The following NME7 variants were observed in gnomAD, a reference collection of about 807,000 sequenced individuals.
NME7 encodes nucleoside diphosphate kinase 7.
Under a neutral mutation model 49.1 loss-of-function variants are expected in NME7, and 41 were observed. That is an observed-to-expected ratio of 0.83 (90% CI 0.65 to 1.08). The LOEUF is 1.08. NME7 is among the 50% of genes least tolerant of loss of function. The pLI, the probability that NME7 is intolerant of heterozygous loss-of-function variation, is 0.00. For missense variants in NME7, 423 were observed against 463.4 expected, an observed-to-expected ratio of 0.91 and a Z score of 0.80; for synonymous variants, 139 against 150.6, an observed-to-expected ratio of 0.92 and a Z score of 0.56.
intron 3 of NME7, among the ~76,000 whole-genome samples, chr1:169,321,097 C>G (rs1651836952): frequency 6.6e-6 from 1 of 152,128 alleles, no homozygotes; most frequent in Non-Finnish European, 1.5e-5. Flanking sequence ...TTAGGTCAGA[C>G]TGTTAACCCT....
chr1:169,258,234 T>C (rs1327800811), intron 7 of NME7, among the ~76,000 whole-genome samples: 3 of 126,622 alleles, frequency 2.4e-5, no homozygotes, highest in African/African-American at 7.9e-5. Context: ...CTGCTCTGCT[T>C]GGGAGGCTGA....
chr1:169,331,819 A>AG (rs1477105638), intron 1 of NME7, among the ~76,000 whole-genome samples: 2 of 151,434 alleles, frequency 1.3e-5, no homozygotes, highest in Non-Finnish European at 2.9e-5. Context: ...AAAAGACCAA[A>AG]AAAAAAATGG....
intron 7 of NME7, among the ~76,000 whole-genome samples, chr1:169,240,259 C>A (rs1648024663): frequency 6.6e-6 from 1 of 151,402 alleles, no homozygotes; most frequent in Non-Finnish European, 1.5e-5. Context: ...TGATCTAAGC[C>A]AAAAGGTCAG....
intron 7 of NME7, among the ~76,000 whole-genome samples, chr1:169,240,608 C>T (rs1025899245): frequency 4.0e-5 from 6 of 151,742 alleles, no homozygotes; most frequent in Non-Finnish European, 7.4e-5. Flanking sequence ...GTATGTACTT[C>T]GAATGAAACT....
chr1:169,313,058 T>C (rs1049709148), intron 3 of NME7, among the ~76,000 whole-genome samples: 1 of 152,072 alleles, frequency 6.6e-6, no homozygotes, highest in Non-Finnish European at 1.5e-5. Context: ...GGTGGAAAAT[T>C]CAGTGATCAA....
At chr1:169,296,522 A>G (rs1265705027) in intron 6 of NME7, among the ~76,000 whole-genome samples, 10 of 147,602 alleles carry the variant, frequency 6.8e-5, no homozygotes, top group Admixed American at 6.6e-4. Context: ...TTCTCTATCT[A>G]TACCTTCTCC....
intron 4 of NME7, among the ~76,000 whole-genome samples, chr1:169,307,725 A>G (rs1651226238): frequency 6.6e-6 from 1 of 152,214 alleles, no homozygotes; most frequent in Non-Finnish European, 1.5e-5. Context: ...GTACTATTAT[A>G]AATCCCATTT....
At chr1:169,363,488 A>G (rs1173285554) in intron 1 of NME7, among the ~76,000 whole-genome samples, 6 of 152,108 alleles carry the variant, frequency 3.9e-5, no homozygotes, top group Non-Finnish European at 8.8e-5. Context: ...ACATACCACA[A>G]ATTTGAGTAA....
rs1203392315 is a variant in NME7, at chr1:169,256,945, G to T, written c.755-19258C>A. 2.3e-5 allele frequency among the ~76,000 whole-genome samples: 3 copies of T among 128,314 alleles called. 1 individual carries two copies. The highest frequency in any genetic ancestry group is 7.8e-5 in the African/African-American group (3 of 38,300). 84.2% of individuals were successfully genotyped at this position (128,314 alleles called of 152,430 possible). ...TTCTCAGATCTCCAGCTGCATGCTG[G>T]GAGAACCACTGCTCTCTTCAAAGCT... is the stretch of plus-strand genomic sequence containing the variant. On this transcript the variant is annotated intron_variant, in intron 7 of 11. Transcript: ENST00000367811.
At chr1:169,237,847 G>C (rs183305048) in intron 7 of NME7, among the ~76,000 whole-genome samples, 160 bp from the exon 8 acceptor site, 33 of 152,056 alleles carry the variant, frequency 2.2e-4, no homozygotes, top group Non-Finnish European at 3.4e-4. Flanking sequence ...CTAATACTGA[G>C]CATTAAATCT....
chr1:169,302,955 G>T, intron 5 of NME7, 190 bp downstream of exon 5: 1 of 373,694 alleles, frequency 2.7e-6, no homozygotes, highest in Non-Finnish European at 4.9e-6. Flanking sequence ...GATTTTTAAT[G>T]ATAAAATATA....
At chr1:169,264,439 T>C (rs1649256206) in intron 7 of NME7, among the ~76,000 whole-genome samples, 1 of 133,500 alleles carries the variant, frequency 7.5e-6, no homozygotes, top group African/African-American at 2.5e-5. Context: ...AAGCAGGAGT[T>C]GCAAGCCTAA....
At chr1:169,144,411 GT>G (rs1658693202) in intron 11 of NME7, among the ~76,000 whole-genome samples, 1 of 152,046 alleles carries the variant, frequency 6.6e-6, no homozygotes, top group African/African-American at 2.4e-5. Flanking sequence ...ACTATTCTAT[GT>G]TTTGTTTTTT....
intron 5 of NME7, among the ~76,000 whole-genome samples, chr1:169,299,528 A>G (rs1437999854): frequency 6.6e-6 from 1 of 152,178 alleles, no homozygotes; most frequent in Non-Finnish European, 1.5e-5. Flanking sequence ...AAGCAGGGAC[A>G]CAGTACTTTT....
intron 11 of NME7, chr1:169,169,079 AT>A (rs199527228): frequency 2.1e-5 from 10 of 470,476 alleles, no homozygotes; most frequent in Non-Finnish European, 3.7e-5. Flanking sequence ...CCAGAAAAAA[AT>A]ATCTAAATTC....
chr1:169,230,645 C>T (rs571985616), intron 10 of NME7, 73 bp downstream of exon 10: 32 of 932,122 alleles, frequency 3.4e-5, no homozygotes, highest in Admixed American at 9.7e-5. Context: ...AAGGAACAAA[C>T]GAAAAATTTT....
intron 10 of NME7, among the ~76,000 whole-genome samples, chr1:169,218,465 A>AG (rs1183316692): frequency 6.6e-6 from 1 of 152,056 alleles, no homozygotes. Context: ...ACATGCCTAT[A>AG]GTCCCAGCTA....
chr1:169,238,232 G>GT (rs1379587692), intron 7 of NME7, among the ~76,000 whole-genome samples: 1 of 151,830 alleles, frequency 6.6e-6, no homozygotes, highest in African/African-American at 2.4e-5. Context: ...TTAAAAGACA[G>GT]TAAGAAGACA....
intron 10 of NME7, among the ~76,000 whole-genome samples, chr1:169,204,960 C>T (rs1433196984): frequency 1.3e-5 from 2 of 152,048 alleles, no homozygotes; most frequent in Non-Finnish European, 2.9e-5. Flanking sequence ...GATGGCCCAA[C>T]ATCTCATACT....
Sources: gnomAD v4.1 joint callset for allele counts (sites outside exome capture counted in the v4.1 genomes callset) on GRCh38, gnomAD v4.1.1 for gene constraint, MANE v1.5 for transcripts, NCBI Gene and HGNC (gene_info 2026-07-23, HGNC 2026-07-21) for gene names.